Variants in SPAG16 observed in about 807,000 individuals in gnomAD.
SPAG16 encodes sperm-associated antigen 16 protein.
Under a neutral mutation model 80.4 loss-of-function variants are expected in SPAG16, and 86 were observed. The observed-to-expected ratio is 1.07, with a 90% CI of 0.90 to 1.28. The LOEUF is 1.28. Among genes scored for constraint, SPAG16 ranks in the 50% most tolerant of loss-of-function variants. SPAG16 has a pLI of 0.00. For missense variants in SPAG16, 870 were observed against 765.3 expected (o/e 1.14, Z -1.61); for synonymous variants, 294 against 265.9 (o/e 1.11, Z -1.03).
intron 9 of SPAG16, among the ~76,000 whole-genome samples, chr2:213,487,096 G>C (rs1183872361): frequency 6.6e-6 from 1 of 152,042 alleles, no homozygotes; most frequent in Non-Finnish European, 1.5e-5. Context: ...GTGGAGCTGA[G>C]TTGCTAAGGA....
intron 14 of SPAG16, among the ~76,000 whole-genome samples, chr2:214,118,189 A>G (rs568746136): frequency 6.6e-6 from 1 of 152,336 alleles, no homozygotes; most frequent in South Asian, 2.1e-4. Flanking sequence ...TAACATTTCT[A>G]TATGCAATAG....
At chr2:213,845,454 C>T (rs1157478327) in intron 10 of SPAG16, among the ~76,000 whole-genome samples, 3 of 152,124 alleles carry the variant, frequency 2.0e-5, no homozygotes, top group Non-Finnish European at 4.4e-5. Flanking sequence ...CTTCGGCCTC[C>T]CAAAGTGCTG....
At chr2:213,706,806 CATGAGATT>C (rs1170433899) in intron 10 of SPAG16, among the ~76,000 whole-genome samples, 1 of 152,142 alleles carries the variant, frequency 6.6e-6, no homozygotes, top group Non-Finnish European at 1.5e-5. Flanking sequence ...CTTGAAGTTT[CATGAGATT>C]ATACTCACTG....
At chr2:213,366,364 T>G (rs1383467432) in intron 8 of SPAG16, among the ~76,000 whole-genome samples, 2 of 151,972 alleles carry the variant, frequency 1.3e-5, no homozygotes, top group Non-Finnish European at 2.9e-5. Flanking sequence ...GAACACAATG[T>G]GTTGAAATTG....
chr2:213,373,346 C>T (rs965567354), intron 8 of SPAG16, among the ~76,000 whole-genome samples: 10 of 152,094 alleles, frequency 6.6e-5, no homozygotes, highest in East Asian at 1.9e-4. Context: ...TATTTATTCT[C>T]GCTACATTGA....
At chr2:213,984,901 T>G (rs1335093161) in intron 12 of SPAG16, among the ~76,000 whole-genome samples, 1 of 152,130 alleles carries the variant, frequency 6.6e-6, no homozygotes, top group African/African-American at 2.4e-5. Context: ...GCTTATTCCC[T>G]CACTTCATTC....
At chr2:213,708,797 A>G (rs568304399) in intron 10 of SPAG16, among the ~76,000 whole-genome samples, 3 of 152,190 alleles carry the variant, frequency 2.0e-5, no homozygotes, top group Admixed American at 1.3e-4. Flanking sequence ...AAAGGGGGGA[A>G]AAAAGTACTG....
intron 15 of SPAG16, among the ~76,000 whole-genome samples, chr2:214,254,301 G>A (rs1319452156): frequency 6.6e-6 from 1 of 151,994 alleles, no homozygotes; most frequent in Admixed American, 6.6e-5. Flanking sequence ...TGATTGCCCT[G>A]GCCAGAACTT....
chr2:213,801,469 A>G (rs2125638463), intron 10 of SPAG16, among the ~76,000 whole-genome samples: 1 of 152,362 alleles, frequency 6.6e-6, no homozygotes, highest in South Asian at 2.1e-4. Flanking sequence ...TTAGTTCCAC[A>G]GTCAAATATA....
At chr2:213,798,412 C>G (rs1347334800) in intron 10 of SPAG16, among the ~76,000 whole-genome samples, 1 of 146,310 alleles carries the variant, frequency 6.8e-6, no homozygotes, top group African/African-American at 2.5e-5. Flanking sequence ...CATCACCACA[C>G]CTGGCTAATT....
intron 9 of SPAG16, among the ~76,000 whole-genome samples, chr2:213,417,938 A>G (rs1486113112): frequency 6.6e-6 from 1 of 150,988 alleles, no homozygotes; most frequent in African/African-American, 2.4e-5. Flanking sequence ...CAGTGGCACG[A>G]TCTCGGCTCG....
chr2:214,199,435 T>G (rs569550511), intron 15 of SPAG16, among the ~76,000 whole-genome samples: 1 of 152,234 alleles, frequency 6.6e-6, no homozygotes, highest in East Asian at 1.9e-4. Context: ...TATTTCTGGG[T>G]TCTCTATTCT....
intron 8 of SPAG16, among the ~76,000 whole-genome samples, chr2:213,366,141 CAAA>C (rs759352187): frequency 1.2e-5 from 1 of 82,552 alleles, no homozygotes; most frequent in Admixed American, 1.4e-4. Context: ...GACTCCGTCT[CAAA>C]AAAAAAAAAA....
intron 10 of SPAG16, among the ~76,000 whole-genome samples, chr2:213,653,034 G>A (rs1055565472): frequency 1.3e-4 from 20 of 151,980 alleles, no homozygotes; most frequent in Non-Finnish European, 2.4e-4. Context: ...ATGGTTCACT[G>A]CCCGGCATCT....
intron 10 of SPAG16, among the ~76,000 whole-genome samples, chr2:213,706,191 C>T (rs373824783): frequency 1.3e-5 from 2 of 152,298 alleles, no homozygotes; most frequent in South Asian, 4.1e-4. Context: ...CGTGTTCTCA[C>T]TACCAGGGCT....
chr2:213,284,787 A>C lies in SPAG16; in HGVS notation c.136+168A>C, dbSNP rs534929557. 5.9e-6 allele frequency: 6 copies of C among 1,010,970 alleles called. No individual in the cohort carries two copies. The South Asian group carries it at 1.1e-4, about 18-fold the overall frequency. The allele number at this position is 1,010,970 out of a possible 1,614,324, so 62.6% of individuals were successfully genotyped here. ...TGCCACCACAGTCTTCCTGAGAGCC[A>C]CTCACTGAATTTCTCGCCCTTAGTA... On this transcript the variant is annotated intron_variant, in intron 1 of 15. Coordinates refer to ENST00000331683, the MANE Select transcript of SPAG16 (RefSeq NM_024532.5).
intron 1 of SPAG16, among the ~76,000 whole-genome samples, chr2:213,290,000 C>T (rs72935115): frequency 0.016 from 2,415 of 152,308 alleles, 24 homozygotes; most frequent in Non-Finnish European, 0.024. Flanking sequence ...CAATTGGCAC[C>T]TCAAGCTCTG....
chr2:213,788,861 G>A (rs540829835), intron 10 of SPAG16, among the ~76,000 whole-genome samples: 23 of 32,404 alleles, frequency 7.1e-4, no homozygotes, highest in Admixed American at 1.2e-3. Flanking sequence ...CTTGTGTGAC[G>A]TCTTTATGAG....
intron 15 of SPAG16, 120 bp downstream of exon 15, chr2:214,149,386 C>A: frequency 1.2e-6 from 1 of 801,716 alleles, no homozygotes; most frequent in Non-Finnish European, 1.7e-6. Flanking sequence ...CTTAATATTA[C>A]ATTATATTAC....
Sources: gnomAD v4.1 joint callset for allele counts (sites outside exome capture counted in the v4.1 genomes callset) on GRCh38, gnomAD v4.1.1 for gene constraint, MANE v1.5 for transcripts, NCBI Gene and HGNC (gene_info 2026-07-23, HGNC 2026-07-21) for gene names.